The following CHM variants were observed in gnomAD, a reference collection of about 807,000 sequenced individuals.
The protein encoded by CHM is CHM Rab escort protein, also known as rab proteins geranylgeranyltransferase component A 1.
Under a neutral mutation model 49.0 loss-of-function variants are expected in CHM, and 10 were observed. That is an observed-to-expected ratio of 0.20 (90% CI 0.13 to 0.35). CHM has a LOEUF of 0.35. CHM is among the 10% of genes least tolerant of loss of function. The probability of loss-of-function intolerance (pLI) is 1.00; values close to 1 mark genes in which losing one functional copy is unlikely to be tolerated. For missense variants in CHM, 455 were observed against 478.4 expected (o/e 0.95, Z 0.46); for synonymous variants, 184 against 167.5 (o/e 1.10, Z -0.76).
rs5923413 is a variant in CHM at position 85,978,443 on chromosome X, T to C, written c.314+324A>G. The stretch of plus-strand genomic sequence containing the variant: ...CACGTGACCTTCTGCAACTACTTAA[T>C]CTCCTTAAGTTCCATTGAGGATTCT... On this transcript the variant is annotated intron_variant, in intron 4 of 14. Transcript: ENST00000357749. Among the ~76,000 whole-genome samples the C allele has an allele frequency of 0.26, 28,923 of 110,567 alleles. 3,399 individuals are homozygous for C. The highest frequency in any genetic ancestry group is 0.38 in the Admixed American group (3,938 of 10,357).
intron 11 of CHM, among the ~76,000 whole-genome samples, chrX:85,897,461 G>A (rs933624010): frequency 2.8e-5 from 3 of 108,119 alleles, no homozygotes; most frequent in African/African-American, 6.7e-5. Context: ...TTGTCAAAAG[G>A]GCTGGCTTTG....
chrX:85,904,811 G>A (rs1002198253), intron 9 of CHM, among the ~76,000 whole-genome samples: 1 of 111,309 alleles, frequency 9.0e-6, no homozygotes, highest in African/African-American at 3.3e-5. Context: ...ATAGTTTTAG[G>A]CTCTGACTTC....
chrX:85,958,942 T>G lies in CHM; in HGVS notation c.738A>C (p.Leu246=). 8.3e-7 allele frequency: 1 copy of G among 1,211,385 alleles called. No individual in the cohort carries two copies. The highest frequency in any genetic ancestry group is 1.1e-6 in the Non-Finnish European group (1 of 895,265). The part of the protein sequence containing the change: ...LYSRGLLIDL[L]IKSNVSRYAE... The stretch of plus-strand genomic sequence containing the variant: ...CATATCGACTAACATTAGATTTGAT[T>G]AGAAGATCAATTAGTAATCCTCGAG... Residue 246 remains leucine, a synonymous_variant, in exon 6 of 15, where the codon CTA becomes CTC. Coordinates refer to ENST00000357749, the MANE Select transcript of CHM (RefSeq NM_000390.4).
intron 8 of CHM, among the ~76,000 whole-genome samples, chrX:85,946,732 C>T (rs1929436899): frequency 9.0e-6 from 1 of 111,647 alleles, no homozygotes; most frequent in Non-Finnish European, 1.9e-5. Context: ...CATGCAGAGT[C>T]CCTACTGAGG....
Position 85,911,175 on chromosome X carries a change from G to A in CHM, c.1244+86C>T, listed in dbSNP as rs1443761254. ...TATATATATATATGTATATATATAT[G>A]AATATATATATGAATATATATATAT... On this transcript the variant is annotated intron_variant, in intron 9 of 14. Transcript: ENST00000357749. 4.6e-4 allele frequency: 11 copies of A among 23,870 alleles called. No homozygotes were observed. In the Admixed American group the frequency reaches 5.4e-3, roughly 12 times the overall value. 2.0% of individuals were successfully genotyped at this position (23,870 alleles called of 1,213,427 possible). A position where few individuals can be genotyped will look rare whatever the true frequency, so the allele number is the denominator to read the frequency against.
At chrX:86,037,719 A>G (rs1934305810) in intron 1 of CHM, among the ~76,000 whole-genome samples, 1 of 111,702 alleles carries the variant, frequency 9.0e-6, no homozygotes, top group African/African-American at 3.3e-5. Flanking sequence ...AAATCCTATC[A>G]TGAAAATCAT....
chrX:85,916,074 C>T (rs1366410746), intron 8 of CHM, among the ~76,000 whole-genome samples: 2 of 111,923 alleles, frequency 1.8e-5, no homozygotes, highest in African/African-American at 6.5e-5. Context: ...GTAACCAAAG[C>T]AGTATGGTAC....
chrX:85,939,197 A>G (rs1248229107), intron 8 of CHM, among the ~76,000 whole-genome samples: 2 of 111,895 alleles, frequency 1.8e-5, no homozygotes, highest in African/African-American at 6.5e-5. Flanking sequence ...CAACTATGGA[A>G]TCACCTAATG....
intron 4 of CHM, among the ~76,000 whole-genome samples, chrX:85,976,691 C>T (rs1349186032): frequency 2.7e-5 from 3 of 110,762 alleles, no homozygotes; most frequent in Non-Finnish European, 5.7e-5. Flanking sequence ...CCAAACCCTT[C>T]CAAACACGTT....
intron 2 of CHM, among the ~76,000 whole-genome samples, chrX:85,995,870 A>C (rs1053817738): frequency 9.0e-6 from 1 of 111,549 alleles, no homozygotes; most frequent in African/African-American, 3.3e-5. Flanking sequence ...ATCTGTCTTC[A>C]ACATGGGGGA....
intron 8 of CHM, among the ~76,000 whole-genome samples, chrX:85,954,819 G>A (rs779806940): frequency 8.4e-5 from 9 of 106,599 alleles, no homozygotes; most frequent in Admixed American, 3.0e-4. Context: ...TTGAACCTGG[G>A]TGGCAGAGGT....
At chrX:85,991,755 G>GT (rs35959265) in intron 2 of CHM, among the ~76,000 whole-genome samples, 28,449 of 105,456 alleles carry the variant, frequency 0.27, 3,420 homozygotes, top group Admixed American at 0.38. Context: ...CAACAAACAT[G>GT]TTTTTTTTTT....
chrX:85,980,895 T>G (rs2147710071), intron 3 of CHM, among the ~76,000 whole-genome samples: 1 of 110,995 alleles, frequency 9.0e-6, no homozygotes, highest in Non-Finnish European at 1.9e-5. Flanking sequence ...CATACTAAAT[T>G]TCTTTGATTT....
intron 2 of CHM, among the ~76,000 whole-genome samples, chrX:86,019,978 G>A (rs1352518733): frequency 1.2e-5 from 1 of 82,113 alleles, no homozygotes; most frequent in African/African-American, 4.7e-5. Context: ...TGAGTTTGAA[G>A]GAAAGACAGA....
intron 2 of CHM, among the ~76,000 whole-genome samples, chrX:85,986,377 TGGTCTACAG>T (rs1192576711): frequency 2.7e-5 from 3 of 111,795 alleles, no homozygotes; most frequent in Non-Finnish European, 5.6e-5. Flanking sequence ...CACCAAGCTA[TGGTCTACAG>T]CCAGCACTCA....
chrX:86,037,612 C>G (rs1313549859), intron 1 of CHM, among the ~76,000 whole-genome samples: 1 of 109,416 alleles, frequency 9.1e-6, no homozygotes, highest in Non-Finnish European at 1.9e-5. Flanking sequence ...CTGCATTACT[C>G]ATAAAACTGT....
intron 2 of CHM, among the ~76,000 whole-genome samples, chrX:85,988,125 G>A (rs1009254756): frequency 4.5e-5 from 5 of 111,799 alleles, no homozygotes; most frequent in East Asian, 2.8e-4. Context: ...ACTTGCAAAC[G>A]GAATCCAGCA....
chrX:86,028,956 T>C (rs1274839661), intron 1 of CHM, among the ~76,000 whole-genome samples: 1 of 111,748 alleles, frequency 8.9e-6, no homozygotes, highest in Non-Finnish European at 1.9e-5. Flanking sequence ...AAAAGCAATA[T>C]GCATATGGAA....
At chrX:85,909,141 AGG>A (rs901721735) in intron 9 of CHM, among the ~76,000 whole-genome samples, 4 of 111,590 alleles carry the variant, frequency 3.6e-5, no homozygotes, top group African/African-American at 1.3e-4. Context: ...CTCTCATTCA[AGG>A]GCTACACAAC....
Sources: allele counts gnomAD v4.1 joint callset (sites outside exome capture counted in the v4.1 genomes callset), GRCh38; gene constraint gnomAD v4.1.1; transcripts MANE v1.5; gene names NCBI Gene and HGNC (gene_info 2026-07-23, HGNC 2026-07-21).